The following ROCK1 variants were observed in gnomAD, a reference collection of about 807,000 sequenced individuals.
The protein encoded by ROCK1 is Rho associated coiled-coil containing protein kinase 1.
ROCK1 carries 36 observed loss-of-function variants against 196.8 expected under a neutral mutation model. The ratio of observed to expected loss-of-function variants is 0.18; its 90% CI spans 0.14 to 0.24. ROCK1 has a LOEUF of 0.24. ROCK1 is among the 10% of genes least tolerant of loss of function. The pLI is 1.00. For synonymous variants in ROCK1, 443 were observed against 515.9 expected (o/e 0.86, Z 1.91); for missense variants, 920 against 1,562.0 (o/e 0.59, Z 6.93).
In ROCK1 at chr18:21,013,374, C is replaced by G. The variant is rs547708480; in HGVS notation, c.1410+2057G>C. 7.1e-3 allele frequency among the ~76,000 whole-genome samples: 1,082 copies of G among 152,304 alleles called. 5 individuals carry two copies. The highest frequency in any genetic ancestry group is 0.012 in the Non-Finnish European group (833 of 68,022). ...GGAGGGGAGCAGATCCTCATCACTG[C>G]TGGGTGGAAGCAGGAGTTCTGGCAC... is the stretch of plus-strand genomic sequence containing the variant. On this transcript the variant is annotated intron_variant, in intron 13 of 32. Transcript: ENST00000399799.
chr18:20,979,737 G>GC (rs1568373772), intron 22 of ROCK1, among the ~76,000 whole-genome samples, 173 bp downstream of exon 22: 4 of 152,050 alleles, frequency 2.6e-5, no homozygotes. Flanking sequence ...TTATAGCACT[G>GC]TTTTTTTCAC....
intron 1 of ROCK1, among the ~76,000 whole-genome samples, chr18:21,095,902 T>A (rs1162712630): frequency 6.6e-6 from 1 of 152,158 alleles, no homozygotes; most frequent in Non-Finnish European, 1.5e-5. Flanking sequence ...TCATTTTCCA[T>A]GATGTGATTA....
intron 1 of ROCK1, among the ~76,000 whole-genome samples, chr18:21,072,836 C>A (rs1381924705): frequency 4.0e-5 from 6 of 151,788 alleles, no homozygotes; most frequent in African/African-American, 7.3e-5. Flanking sequence ...TTTGGGAGGC[C>A]GAGGCAGGCG....
chr18:20,966,788 T>A (rs2035377818), intron 27 of ROCK1, 129 bp downstream of exon 27: 1 of 709,144 alleles, frequency 1.4e-6, no homozygotes, highest in Non-Finnish European at 2.3e-6. Flanking sequence ...GCCTTGGCTA[T>A]CAGAAATAAG....
intron 1 of ROCK1, among the ~76,000 whole-genome samples, chr18:21,097,667 G>T (rs2036623466): frequency 6.6e-6 from 1 of 152,158 alleles, no homozygotes; most frequent in Admixed American, 6.5e-5. Context: ...TTTTCCCAAG[G>T]ACAAATCATA....
At chr18:21,099,392 G>C (rs2036639039) in intron 1 of ROCK1, among the ~76,000 whole-genome samples, 1 of 152,220 alleles carries the variant, frequency 6.6e-6, no homozygotes, top group Non-Finnish European at 1.5e-5. Context: ...ACAGGGTAGA[G>C]AGACGTGGAT....
chr18:20,992,082 G>C (rs936751905), intron 17 of ROCK1, among the ~76,000 whole-genome samples: 1 of 152,082 alleles, frequency 6.6e-6, no homozygotes, highest in Non-Finnish European at 1.5e-5. Context: ...CATTGATATA[G>C]AAAGGAAAAA....
chr18:21,040,852 C>T (rs1476002106), intron 8 of ROCK1, among the ~76,000 whole-genome samples: 4 of 152,048 alleles, frequency 2.6e-5, no homozygotes, highest in South Asian at 2.1e-4. Flanking sequence ...TGGCCAGGTG[C>T]GGTGGCTCAC....
chr18:20,990,807 C>G (rs1198403911), intron 18 of ROCK1, among the ~76,000 whole-genome samples: 3 of 151,272 alleles, frequency 2.0e-5, no homozygotes, highest in African/African-American at 7.3e-5. Context: ...GTTGCCCAGG[C>G]TGGAGAACAG....
chr18:20,983,532 G>A (rs1023338384), intron 20 of ROCK1, among the ~76,000 whole-genome samples: 1 of 151,880 alleles, frequency 6.6e-6, no homozygotes, highest in Non-Finnish European at 1.5e-5. Flanking sequence ...CTAGCAGCTA[G>A]GCTTGAAAAT....
intron 1 of ROCK1, among the ~76,000 whole-genome samples, 174 bp downstream of exon 1, chr18:21,110,644 T>C (rs1350934116): frequency 6.6e-6 from 1 of 152,136 alleles, no homozygotes; most frequent in Non-Finnish European, 1.5e-5. Context: ...AAATGGCAAA[T>C]AGGACCACAC....
At chr18:21,078,424 A>G (rs1221339685) in intron 1 of ROCK1, among the ~76,000 whole-genome samples, 1 of 151,888 alleles carries the variant, frequency 6.6e-6, no homozygotes, top group Non-Finnish European at 1.5e-5. Flanking sequence ...GGAGTTATTA[A>G]GAAATTATTT....
At position 20,947,799 on chromosome 18, in the gene ROCK1, ATTGTT is replaced by A. The variant is rs1305344018; in HGVS notation, c.*3580_*3584del. 6.6e-6 allele frequency: 1 copy of A among 152,080 alleles called. No individual in the cohort carries two copies. The highest frequency in any genetic ancestry group is 1.5e-5 in the Non-Finnish European group (1 of 68,034). 9.4% of individuals were successfully genotyped at this position (152,080 alleles called of 1,614,324 possible). On this transcript the variant is annotated 3_prime_UTR_variant, in exon 33 of 33. Coordinates refer to ENST00000399799, the MANE Select transcript of ROCK1 (RefSeq NM_005406.3). The stretch of plus-strand genomic sequence containing the variant: ...GGAGGTCGTATACATCTTTCAGTAG[ATTGTT>A]TTTAAATTTATATGGGAATGCAACC...
rs375917649 is a variant in ROCK1, at chr18:20,959,850, A to G, written c.3502T>C (p.Leu1168=). 1.7e-5 allele frequency: 27 copies of G among 1,598,074 alleles called. No individual in the cohort carries two copies. The highest frequency in any genetic ancestry group is 2.3e-5 in the Non-Finnish European group (27 of 1,171,556). The part of the protein sequence containing the change: ...DKEQSNPSMV[L]DIDKLFHVRP... ...TCAAAGGCAACTTACTCTATGTCCA[A>G]TACCATAGATGGATTGGATTGCTCC... The change falls in exon 29 of 33, where the codon TTG becomes CTG. Residue 1168 remains leucine (L), a synonymous_variant. Coordinates refer to ENST00000399799, the MANE Select transcript of ROCK1 (RefSeq NM_005406.3).
In ROCK1 at chr18:21,039,279, G is replaced by A. The variant is rs533623282; in HGVS notation, c.1051+193C>T. ...TTTATATTTCATCTGGGTATCCTGC[G>A]TGGGACATAAGAGGAGTAACAATAT... On this transcript the variant is annotated intron_variant, in intron 9 of 32. Coordinates refer to ENST00000399799, the MANE Select transcript of ROCK1 (RefSeq NM_005406.3). 2.6e-4 allele frequency among the ~76,000 whole-genome samples: 39 copies of A among 152,110 alleles called. 1 individual carries two copies. The highest frequency in any genetic ancestry group is 6.8e-3 in the Middle Eastern group (2 of 294).
At chr18:21,060,820 G>C (rs2036282380) in intron 2 of ROCK1, among the ~76,000 whole-genome samples, 1 of 109,162 alleles carries the variant, frequency 9.2e-6, no homozygotes, top group Non-Finnish European at 1.7e-5. Context: ...GCCTGGGCGA[G>C]AAGAGCGAAA....
At chr18:21,074,745 T>A (rs2143558063) in intron 1 of ROCK1, among the ~76,000 whole-genome samples, 1 of 152,294 alleles carries the variant, frequency 6.6e-6, no homozygotes, top group South Asian at 2.1e-4. Flanking sequence ...AGAAAAAAAA[T>A]ACTTCCTGTC....
At position 21,028,906 on chromosome 18, in the gene ROCK1, T is replaced by C; in HGVS notation, c.1081A>G (p.Ser361Gly). 1 of 1,611,058 alleles carries C rather than the reference T, an allele frequency of 6.2e-7. No individual in the cohort carries two copies. The highest frequency in any genetic ancestry group is 8.5e-7 in the Non-Finnish European group (1 of 1,179,244). The change falls in exon 10 of 33, where the codon AGT becomes GGT. Residue 361 changes from serine (S) to glycine (G), a missense_variant. Transcript: ENST00000399799. ...TVAPVVPDLS[S>G]DIDTSNFDDL... ...TCAAAATTACTAGTATCAATGTCAC[T>C]ACTTAAATCGGGTACAACTGGTGCT...
intron 1 of ROCK1, among the ~76,000 whole-genome samples, chr18:21,086,354 C>T (rs1189594566): frequency 1.3e-5 from 2 of 152,120 alleles, no homozygotes; most frequent in African/African-American, 2.4e-5. Context: ...TCAAGTGATC[C>T]GCCCACCTAG....
Sources: allele counts gnomAD v4.1 joint callset (sites outside exome capture counted in the v4.1 genomes callset), GRCh38; gene constraint gnomAD v4.1.1; transcripts MANE v1.5; gene names NCBI Gene and HGNC (gene_info 2026-07-23, HGNC 2026-07-21).